MLLT3: variants seen among roughly 807,000 people sequenced by gnomAD.
The protein encoded by MLLT3 is MLLT3 super elongation complex subunit, also known as protein AF-9.
Under a neutral mutation model 53.2 loss-of-function variants are expected in MLLT3, and 4 were observed. The ratio of observed to expected loss-of-function variants is 0.08; its 90% confidence interval spans 0.04 to 0.17. The LOEUF (loss-of-function observed/expected upper bound fraction) is 0.17. Ranked by LOEUF, MLLT3 falls within the 10% of genes least tolerant of loss-of-function variation. The pLI is 1.00. For synonymous variants in MLLT3, 283 were observed against 230.6 expected, an observed-to-expected ratio of 1.23 and a Z score of -2.06; for missense variants, 569 against 684.0, an observed-to-expected ratio of 0.83 and a Z score of 1.87.
chr9:20,546,708 G>T (rs1435954121), intron 2 of MLLT3, among the ~76,000 whole-genome samples: 1 of 152,204 alleles, frequency 6.6e-6, no homozygotes, highest in Non-Finnish European at 1.5e-5. Flanking sequence ...GGCCAACCCG[G>T]AGATCCATTC....
At chr9:20,571,809 T>A (rs1819539680) in intron 2 of MLLT3, among the ~76,000 whole-genome samples, 1 of 152,168 alleles carries the variant, frequency 6.6e-6, no homozygotes, top group Non-Finnish European at 1.5e-5. Context: ...GAAATGCAAA[T>A]TAAAACCACA....
intron 2 of MLLT3, among the ~76,000 whole-genome samples, chr9:20,479,971 GA>G (rs1824621944): frequency 6.6e-6 from 1 of 152,156 alleles, no homozygotes; most frequent in Non-Finnish European, 1.5e-5. Context: ...TTGCAACAGA[GA>G]GTTCCCATGA....
rs574002719 is a variant in MLLT3, at chr9:20,595,980, T to A, written c.193+24674A>T. On this transcript the variant is annotated intron_variant, in intron 2 of 10. Coordinates refer to ENST00000380338, the MANE Select transcript of MLLT3 (RefSeq NM_004529.4). ...ATTAAATGTTTTATTTTAAATAATT[T>A]AAATTTTAAAAGCCACATATGTCTA... 1.3e-4 allele frequency among the ~76,000 whole-genome samples: 20 copies of A among 152,342 alleles called. 1 individual carries two copies. The highest frequency in any genetic ancestry group is 4.8e-4 in the African/African-American group (20 of 41,588).
At chr9:20,481,251 C>A (rs1216958055) in intron 2 of MLLT3, among the ~76,000 whole-genome samples, 2 of 152,194 alleles carry the variant, frequency 1.3e-5, no homozygotes, top group Non-Finnish European at 1.5e-5. Context: ...ATATTACATG[C>A]AGACAGCTAA....
At chr9:20,444,107 G>C (rs1823627677) in intron 4 of MLLT3, among the ~76,000 whole-genome samples, 1 of 152,118 alleles carries the variant, frequency 6.6e-6, no homozygotes, top group African/African-American at 2.4e-5. Context: ...TATAGTAATA[G>C]ATGACAAACT....
intron 5 of MLLT3, among the ~76,000 whole-genome samples, chr9:20,369,064 G>C (rs1821526823): frequency 6.6e-6 from 1 of 152,164 alleles, no homozygotes; most frequent in African/African-American, 2.4e-5. Flanking sequence ...GTAGGTTGAG[G>C]GACATGGGTG....
chr9:20,566,381 G>T (rs1025878718), intron 2 of MLLT3, among the ~76,000 whole-genome samples: 1 of 151,998 alleles, frequency 6.6e-6, no homozygotes, highest in African/African-American at 2.4e-5. Flanking sequence ...CACAATGCAT[G>T]TTCTTTTTAA....
At chr9:20,473,781 A>T (rs926495589) in intron 2 of MLLT3, among the ~76,000 whole-genome samples, 1 of 152,176 alleles carries the variant, frequency 6.6e-6, no homozygotes, top group South Asian at 2.1e-4. Context: ...AAAACAAAGT[A>T]GCTGCAGACT....
At chr9:20,556,140 T>C (rs1172697914) in intron 2 of MLLT3, among the ~76,000 whole-genome samples, 4 of 152,184 alleles carry the variant, frequency 2.6e-5, no homozygotes, top group Non-Finnish European at 5.9e-5. Flanking sequence ...ATATATGCAA[T>C]AGATGAATGT....
chr9:20,587,891 G>A (rs1820017475), intron 2 of MLLT3, among the ~76,000 whole-genome samples: 2 of 152,108 alleles, frequency 1.3e-5, no homozygotes, highest in Non-Finnish European at 2.9e-5. Context: ...ATTGCTTTTG[G>A]TGTTTTAGAC....
chr9:20,538,664 T>G (rs887226905), intron 2 of MLLT3, among the ~76,000 whole-genome samples: 1 of 152,208 alleles, frequency 6.6e-6, no homozygotes, highest in African/African-American at 2.4e-5. Context: ...TGCAAAAATT[T>G]ATAAACTATA....
At chr9:20,594,185 C>T (rs1242580936) in intron 2 of MLLT3, among the ~76,000 whole-genome samples, 1 of 152,148 alleles carries the variant, frequency 6.6e-6, no homozygotes, top group Non-Finnish European at 1.5e-5. Context: ...AAATGATCCG[C>T]CTACCTCGGC....
In MLLT3 at chr9:20,430,987, T is replaced by C. The variant is rs140461158; in HGVS notation, c.421-16562A>G. On this transcript the variant is annotated intron_variant, in intron 4 of 10. Coordinates refer to ENST00000380338, the MANE Select transcript of MLLT3 (RefSeq NM_004529.4). ...ATGTTCAGCTTCATTAATGAACATA[T>C]AATCACTGCAATGCAAAATAAGAGA... 4.3e-3 allele frequency among the ~76,000 whole-genome samples: 647 copies of C among 152,226 alleles called. 5 individuals carry two copies. The highest frequency in any genetic ancestry group is 0.015 in the African/African-American group (610 of 41,556).
intron 4 of MLLT3, among the ~76,000 whole-genome samples, chr9:20,420,406 C>A (rs1822977924): frequency 6.6e-6 from 1 of 151,968 alleles, no homozygotes; most frequent in Admixed American, 6.6e-5. Context: ...ATGGAATGGG[C>A]AAAGAAATAT....
chr9:20,421,016 C>A (rs1822994971), intron 4 of MLLT3, among the ~76,000 whole-genome samples: 2 of 152,286 alleles, frequency 1.3e-5, no homozygotes, highest in Admixed American at 1.3e-4. Context: ...GTAATCCCAG[C>A]ACTTTGGGAG....
At chr9:20,473,203 T>C (rs149297617) in intron 2 of MLLT3, among the ~76,000 whole-genome samples, 2 of 152,222 alleles carry the variant, frequency 1.3e-5, no homozygotes, top group East Asian at 1.9e-4. Flanking sequence ...TCTTTGCAAA[T>C]CACTTTTTCT....
chr9:20,446,470 C>T (rs1257747788), intron 4 of MLLT3, among the ~76,000 whole-genome samples: 1 of 152,168 alleles, frequency 6.6e-6, no homozygotes, highest in Non-Finnish European at 1.5e-5. Context: ...TCACAGGCAA[C>T]CCTCGACTTC....
At chr9:20,578,332 G>C (rs1341191861) in intron 2 of MLLT3, among the ~76,000 whole-genome samples, 1 of 152,040 alleles carries the variant, frequency 6.6e-6, no homozygotes, top group African/African-American at 2.4e-5. Context: ...AAGTATTATG[G>C]AAGCATAATG....
chr9:20,611,530 GA>G (rs1820702601), intron 2 of MLLT3, among the ~76,000 whole-genome samples: 2 of 151,812 alleles, frequency 1.3e-5, no homozygotes, highest in Admixed American at 6.6e-5. Flanking sequence ...TTTTAAAATA[GA>G]AAAAAATTAA....
Sources: gnomAD v4.1 joint callset for allele counts (sites outside exome capture counted in the v4.1 genomes callset) on GRCh38, gnomAD v4.1.1 for gene constraint, MANE v1.5 for transcripts, NCBI Gene and HGNC (gene_info 2026-07-23, HGNC 2026-07-21) for gene names.